Variants in WDPCP observed in about 807,000 individuals in gnomAD.
WDPCP encodes WD repeat containing planar cell polarity effector.
Under a neutral mutation model 93.1 loss-of-function variants are expected in WDPCP, and 71 were observed. That is an observed-to-expected ratio of 0.76 (90% CI 0.63 to 0.93). WDPCP has a LOEUF of 0.93. Among genes scored for constraint, WDPCP ranks in the 40% least tolerant of loss-of-function variants. The probability of loss-of-function intolerance (pLI) is 0.00; values close to 1 mark genes in which losing one functional copy is unlikely to be tolerated. For synonymous variants in WDPCP, 315 were observed against 315.0 expected (o/e 1.00, Z 0.00); for missense variants, 844 against 887.4 (o/e 0.95, Z 0.62).
chr2:63,350,132 C>T (rs979441219), intron 12 of WDPCP, among the ~76,000 whole-genome samples: 2 of 152,106 alleles, frequency 1.3e-5, no homozygotes, highest in African/African-American at 2.4e-5. Flanking sequence ...GAGTTCATGT[C>T]CTTTGCAGGG....
intron 9 of WDPCP, among the ~76,000 whole-genome samples, chr2:63,428,558 C>T (rs180814925): frequency 3.3e-5 from 5 of 152,150 alleles, no homozygotes; most frequent in African/African-American, 9.6e-5. Context: ...CCAACAAACT[C>T]GGTATCGAAG....
intron 13 of WDPCP, among the ~76,000 whole-genome samples, chr2:63,311,457 C>G (rs1479952202): frequency 6.6e-6 from 1 of 152,112 alleles, no homozygotes. Flanking sequence ...CTTTAATGCT[C>G]TCAATATTTT....
At chr2:63,452,046 C>G (rs1389801908) in intron 6 of WDPCP, among the ~76,000 whole-genome samples, 4 of 152,192 alleles carry the variant, frequency 2.6e-5, no homozygotes, top group Non-Finnish European at 4.4e-5. Flanking sequence ...CAGAGATGCC[C>G]TCTCTCACCA....
At chr2:63,276,449 G>A (rs1411776299) in intron 13 of WDPCP, among the ~76,000 whole-genome samples, 1 of 152,166 alleles carries the variant, frequency 6.6e-6, no homozygotes, top group Non-Finnish European at 1.5e-5. Context: ...AGAGAAAGGT[G>A]AAGTCCAACT....
chr2:63,771,749 GT>G (rs1192631464), intron 2 of WDPCP, among the ~76,000 whole-genome samples: 1 of 151,838 alleles, frequency 6.6e-6, no homozygotes, highest in Non-Finnish European at 1.5e-5. Flanking sequence ...TTATCTTTGT[GT>G]CTGTGTGTAC....
chr2:63,243,998 T>C (rs1366254285), intron 14 of WDPCP, among the ~76,000 whole-genome samples: 1 of 150,886 alleles, frequency 6.6e-6, no homozygotes, highest in Non-Finnish European at 1.5e-5. Flanking sequence ...CAAGTCTCAA[T>C]AAATGAAAAA....
intron 13 of WDPCP, among the ~76,000 whole-genome samples, chr2:63,302,476 G>A (rs1685405584): frequency 6.6e-6 from 1 of 152,012 alleles, no homozygotes; most frequent in Non-Finnish European, 1.5e-5. Flanking sequence ...CTTTTATAAT[G>A]TTCTTCCAAC....
intron 3 of WDPCP, among the ~76,000 whole-genome samples, chr2:63,621,522 A>G (rs1454860721): frequency 6.6e-6 from 1 of 152,172 alleles, no homozygotes; most frequent in Non-Finnish European, 1.5e-5. Flanking sequence ...ATACGGGACT[A>G]TGTAAAATGA....
At chr2:63,277,219 TA>T (rs35296098) in intron 13 of WDPCP, among the ~76,000 whole-genome samples, 88 of 151,426 alleles carry the variant, frequency 5.8e-4, no homozygotes, top group South Asian at 1.7e-3. Flanking sequence ...CAAGAACTGC[TA>T]AAAAAAAAAG....
chr2:63,554,584 C>T (rs898738720), intron 1 of WDPCP, among the ~76,000 whole-genome samples: 3 of 151,636 alleles, frequency 2.0e-5, no homozygotes, highest in African/African-American at 4.9e-5. Context: ...ACCCAGGAGG[C>T]GGAGGTTGCA....
intron 9 of WDPCP, among the ~76,000 whole-genome samples, chr2:63,421,289 C>G (rs998616688): frequency 2.6e-5 from 4 of 152,046 alleles, no homozygotes; most frequent in African/African-American, 9.7e-5. Context: ...CTTATGCATA[C>G]TTTTGGGCAT....
chr2:63,573,336 G>A (rs150678727), intron 1 of WDPCP, among the ~76,000 whole-genome samples: 73 of 152,304 alleles, frequency 4.8e-4, no homozygotes, highest in African/African-American at 1.4e-3. Flanking sequence ...GGCCCTGAAC[G>A]GAGGGACCGG....
In WDPCP at chr2:63,425,534, A is replaced by C. The variant is rs554429159; in HGVS notation, c.825+8211T>G. Among the ~76,000 whole-genome samples the C allele has an allele frequency of 2.0e-5, 3 of 152,344 alleles. No homozygotes were observed. The East Asian group carries it at 5.8e-4, about 29-fold the overall frequency. On this transcript the variant is annotated intron_variant, in intron 9 of 17. Transcript: ENST00000272321. The stretch of plus-strand genomic sequence containing the variant: ...AAACAGCCATTTTAAGAAACAACCA[A>C]ACTAAACTTCTGAAACTGAAAAATT...
chr2:63,704,907 G>A (rs867340185), intron 2 of WDPCP, among the ~76,000 whole-genome samples: 1 of 152,050 alleles, frequency 6.6e-6, no homozygotes, highest in Non-Finnish European at 1.5e-5. Flanking sequence ...GGTAGAATTC[G>A]GCTGTGAATC....
At chr2:63,251,339 T>A (rs1680697241) in intron 14 of WDPCP, among the ~76,000 whole-genome samples, 1 of 151,768 alleles carries the variant, frequency 6.6e-6, no homozygotes, top group African/African-American at 2.4e-5. Context: ...AATACAAACA[T>A]CTGAATGCAC....
Position 63,404,255 on chromosome 2 carries a change from G to A in WDPCP, c.1228C>T (p.Pro410Ser). The change falls in exon 10 of 18, where the codon CCT becomes TCT. Residue 410 changes from proline to serine, a missense_variant. Pro to Ser is a moderately conservative substitution (Grantham distance 74). Coordinates refer to ENST00000272321, the MANE Select transcript of WDPCP (RefSeq NM_015910.7). ...TCAGCCAACAGTTGGATGTTAATAG[G>A]GGATAGAGCCATATCAAAAATTTGC... ...ELQIFDMALS[P>S]INIQLLAEDR... 1 of 1,613,540 alleles carries A rather than the reference G, an allele frequency of 6.2e-7. No homozygotes were observed. Among genetic ancestry groups the A allele is most frequent in the Non-Finnish European group, 8.5e-7 (1 of 1,179,618 alleles).
At chr2:63,442,441 A>G (rs1558640906) in intron 6 of WDPCP, 4 of 152,210 alleles carry the variant, frequency 2.6e-5, no homozygotes, top group Admixed American at 2.6e-4. Context: ...CTCCAGGCAT[A>G]GATTAGTTAT....
intron 14 of WDPCP, among the ~76,000 whole-genome samples, chr2:63,178,467 T>A (rs558205784): frequency 9.2e-5 from 14 of 152,322 alleles, no homozygotes; most frequent in Admixed American, 4.6e-4. Context: ...TGTCCATTTA[T>A]GTAAGTTTTC....
At chr2:63,313,400 G>A in intron 12 of WDPCP, 89 bp from the exon 13 acceptor site, 1 of 1,280,008 alleles carries the variant, frequency 7.8e-7, no homozygotes, top group Non-Finnish European at 1.1e-6. Context: ...CTGTGATACT[G>A]TTTTTGTCCT....
Sources: allele counts gnomAD v4.1 joint callset (sites outside exome capture counted in the v4.1 genomes callset), GRCh38; gene constraint gnomAD v4.1.1; transcripts MANE v1.5; gene names NCBI Gene and HGNC (gene_info 2026-07-23, HGNC 2026-07-21).